NEK9: variants seen among roughly 807,000 people sequenced by gnomAD.
The protein encoded by NEK9 is NIMA related kinase 9.
Under a neutral mutation model 123.4 loss-of-function variants are expected in NEK9, and 75 were observed. The ratio of observed to expected loss-of-function variants is 0.61; its 90% CI spans 0.50 to 0.74. NEK9 has a LOEUF of 0.74. NEK9 is among the 30% of genes least tolerant of loss of function. NEK9 has a pLI of 0.00. For synonymous variants in NEK9, 438 were observed against 458.7 expected (o/e 0.95, Z 0.58); for missense variants, 952 against 1,214.4 (o/e 0.78, Z 3.21).
At position 75,079,643 on chromosome 14, in the gene NEK9, C is replaced by T. The variant is rs1024799966; in HGVS notation, c.*4921G>A. 2.0e-5 allele frequency: 3 copies of T among 152,162 alleles called. No homozygotes were observed. Among genetic ancestry groups the T allele is most frequent in the African/African-American group, 7.2e-5 (3 of 41,444 alleles). The allele number at this position is 152,162 out of a possible 1,614,324, so 9.4% of individuals were successfully genotyped here. On this transcript the variant is annotated 3_prime_UTR_variant, in exon 22 of 22. Coordinates refer to ENST00000238616, the MANE Select transcript of NEK9 (RefSeq NM_033116.6). ...GCCTAGCATTCATAATATGATCTGA[C>T]ATTTAAAAACTGGGATATGGAACAT... is the stretch of plus-strand genomic sequence containing the variant.
At chr14:75,119,217 C>T (rs1253976136) in intron 4 of NEK9, among the ~76,000 whole-genome samples, 1 of 151,808 alleles carries the variant, frequency 6.6e-6, no homozygotes, top group Non-Finnish European at 1.5e-5. Context: ...GAGGTTAAAG[C>T]ACCGAGAATC....
At chr14:75,116,790 G>T (rs1027583400) in intron 6 of NEK9, among the ~76,000 whole-genome samples, 1 of 152,064 alleles carries the variant, frequency 6.6e-6, no homozygotes, top group African/African-American at 2.4e-5. Context: ...TTGCTCTGTT[G>T]CCCAGGCTGG....
intron 14 of NEK9, among the ~76,000 whole-genome samples, chr14:75,103,593 C>T (rs1484331877): frequency 6.6e-6 from 1 of 152,140 alleles, no homozygotes; most frequent in Admixed American, 6.5e-5. Context: ...GTTAATACCC[C>T]TCCTTCAATA....
chr14:75,123,988 A>C, intron 2 of NEK9, 58 bp downstream of exon 2: 2 of 1,370,620 alleles, frequency 1.5e-6, no homozygotes, highest in South Asian at 2.4e-5. Flanking sequence ...CTTCTCCTCA[A>C]CGTAATTATG....
intron 16 of NEK9, among the ~76,000 whole-genome samples, chr14:75,099,799 G>A (rs201445152): frequency 6.0e-5 from 6 of 100,566 alleles, no homozygotes; most frequent in African/African-American, 2.1e-4. Flanking sequence ...AAAAAAAAAA[G>A]AAGAGGAGTG....
chr14:75,120,170 G>C (rs1333188862), intron 4 of NEK9, among the ~76,000 whole-genome samples: 1 of 152,136 alleles, frequency 6.6e-6, no homozygotes, highest in East Asian at 1.9e-4. Flanking sequence ...GAATTAAAAA[G>C]AATTGCCAAT....
At chr14:75,089,859 C>G (rs576051577) in intron 19 of NEK9, among the ~76,000 whole-genome samples, 1 of 152,206 alleles carries the variant, frequency 6.6e-6, no homozygotes, top group Non-Finnish European at 1.5e-5. Context: ...CCACAACGCC[C>G]GGCTAATTTT....
intron 8 of NEK9, among the ~76,000 whole-genome samples, chr14:75,112,868 A>T (rs1233559915): frequency 6.6e-6 from 1 of 152,138 alleles, no homozygotes; most frequent in Non-Finnish European, 1.5e-5. Flanking sequence ...TCCAACTCAC[A>T]CTACAATTGA....
At chr14:75,118,401 C>A (rs1222850988) in intron 5 of NEK9, among the ~76,000 whole-genome samples, 1 of 152,136 alleles carries the variant, frequency 6.6e-6, no homozygotes, top group Non-Finnish European at 1.5e-5. Context: ...GCAGTTCAGA[C>A]TGTGTATAAT....
intron 4 of NEK9, among the ~76,000 whole-genome samples, chr14:75,120,001 T>G (rs1265326252): frequency 6.6e-6 from 1 of 152,216 alleles, no homozygotes. Context: ...AATGACTCAC[T>G]TAAGAAGGGC....
intron 16 of NEK9, among the ~76,000 whole-genome samples, chr14:75,099,796 A>AG (rs1279179878): frequency 4.7e-5 from 7 of 150,416 alleles, no homozygotes; most frequent in South Asian, 2.1e-4. Context: ...AAAAAAAAAA[A>AG]AAGAAGAGGA....
intron 2 of NEK9, among the ~76,000 whole-genome samples, chr14:75,123,770 C>A (rs538565622): frequency 6.6e-6 from 1 of 152,094 alleles, no homozygotes; most frequent in African/African-American, 2.4e-5. Context: ...TAAAGAAAAA[C>A]CTTGAAAAAT....
Position 75,126,693 on chromosome 14 carries a change from G to A in NEK9, c.219+10C>T. 2 of 1,404,324 alleles carry A rather than the reference G, an allele frequency of 1.4e-6. No individual in the cohort carries two copies. Among genetic ancestry groups the A allele is most frequent in the South Asian group, 1.6e-5 (1 of 61,576 alleles). 87.0% of individuals were successfully genotyped at this position (1,404,324 alleles called of 1,614,324 possible). On this transcript the variant is annotated intron_variant, in intron 1 of 21. Coordinates refer to ENST00000238616, the MANE Select transcript of NEK9 (RefSeq NM_033116.6). ...CGCCAGACAGGGCGGCCGGCGCCGA[G>A]GGCCGCTACCTCGGTGCGGCGGTAC...
At chr14:75,091,009 A>G (rs1485055868) in intron 19 of NEK9, among the ~76,000 whole-genome samples, 2 of 152,256 alleles carry the variant, frequency 1.3e-5, no homozygotes, top group South Asian at 2.1e-4. Context: ...ATGTACTACA[A>G]AAACTGCCAT....
rs753723195 is a variant in NEK9 at position 75,124,206 on chromosome 14, C to T, written c.237G>A (p.Val79=). The T allele has an allele frequency of 1.1e-5, 17 of 1,613,814 alleles. No homozygotes were observed. In the African/African-American group the frequency reaches 1.5e-4, roughly 14 times the overall value. ...GCCGGGTCAAATCGACTTCCTTCCA[C>T]ACAACCAGTGAGTCATCCTAAACAC... ...YRRTEDDSLV[V]WKEVDLTRLS... is the part of the protein sequence containing the mutation. Residue 79 remains valine (V), a synonymous_variant, in exon 2 of 22, where the codon GTG becomes GTA. Transcript: ENST00000238616.
At chr14:75,120,636 T>TACACAC in intron 3 of NEK9, 56 bp from the exon 4 acceptor site, 3 of 1,299,252 alleles carry the variant, frequency 2.3e-6, no homozygotes, top group Non-Finnish European at 3.3e-6. Context: ...TTTAAGTAAA[T>TACACAC]ACACACACAC....
intron 18 of NEK9, among the ~76,000 whole-genome samples, chr14:75,092,871 G>A (rs1038177684): frequency 6.6e-6 from 1 of 151,994 alleles, no homozygotes; most frequent in African/African-American, 2.4e-5. Flanking sequence ...GTAAAGAAGG[G>A]TTAATTATCA....
intron 2 of NEK9, among the ~76,000 whole-genome samples, chr14:75,121,440 A>G (rs1895330140): frequency 1.3e-5 from 2 of 152,226 alleles, no homozygotes; most frequent in South Asian, 4.1e-4. Flanking sequence ...AGTAAAGACC[A>G]TTCTTGTTGT....
Position 75,082,387 on chromosome 14 carries a change from C to T in NEK9, c.*2177G>A, listed in dbSNP as rs1353728594. 1 of 152,216 alleles carries T rather than the reference C, an allele frequency of 6.6e-6. No individual in the cohort carries two copies. Among genetic ancestry groups the T allele is most frequent in the East Asian group, 1.9e-4 (1 of 5,200 alleles). 9.4% of individuals were successfully genotyped at this position (152,216 alleles called of 1,614,324 possible). A position where few individuals can be genotyped will look rare whatever the true frequency, so the allele number is the denominator to read the frequency against. On this transcript the variant is annotated 3_prime_UTR_variant, in exon 22 of 22. Coordinates refer to ENST00000238616, the MANE Select transcript of NEK9 (RefSeq NM_033116.6). Reference sequence around the variant, plus strand: ...ATTTCTACTGCCTCATCTTTTACTCCATCCCCCTTTGAACTGGTTTCTGTT... The same window carrying T: ...ATTTCTACTGCCTCATCTTTTACTCTATCCCCCTTTGAACTGGTTTCTGTT...
Sources: gnomAD v4.1 joint callset for allele counts (sites outside exome capture counted in the v4.1 genomes callset) on GRCh38, gnomAD v4.1.1 for gene constraint, MANE v1.5 for transcripts, NCBI Gene and HGNC (gene_info 2026-07-23, HGNC 2026-07-21) for gene names.